The following VRK1 variants were observed in gnomAD, a reference collection of about 807,000 sequenced individuals.
The protein encoded by VRK1 is serine/threonine-protein kinase VRK1.
In VRK1, 33 loss-of-function variants were observed where a neutral mutation model predicts 57.1. The observed-to-expected ratio is 0.58, with a 90% CI of 0.44 to 0.77. VRK1 has a LOEUF of 0.77. Among genes scored for constraint, VRK1 ranks in the 30% least tolerant of loss-of-function variants. The pLI is 0.00. For synonymous variants in VRK1, 137 were observed against 147.8 expected (o/e 0.93, Z 0.53); for missense variants, 413 against 477.3 (o/e 0.87, Z 1.25).
At chr14:96,874,411 T>C (rs1393686097) in intron 11 of VRK1, among the ~76,000 whole-genome samples, 3 of 152,138 alleles carry the variant, frequency 2.0e-5, no homozygotes, top group Non-Finnish European at 2.9e-5. Context: ...ACTGCAGTTA[T>C]TGTATGTAAT....
chr14:96,853,827 A>G (rs1888045068), intron 7 of VRK1, among the ~76,000 whole-genome samples: 1 of 152,130 alleles, frequency 6.6e-6, no homozygotes, highest in African/African-American at 2.4e-5. Flanking sequence ...TGACATTCAT[A>G]CTTAATGTAT....
At chr14:96,881,059 C>G (rs1052191407) in intron 12 of VRK1, 118 bp from the exon 13 acceptor site, 3 of 897,390 alleles carry the variant, frequency 3.3e-6, no homozygotes, top group African/African-American at 3.4e-5. Flanking sequence ...TTGCAAATCA[C>G]GAGAGTCGAT....
chr14:96,853,535 C>G (rs1431922463), intron 7 of VRK1, among the ~76,000 whole-genome samples: 1 of 151,948 alleles, frequency 6.6e-6, no homozygotes, highest in Non-Finnish European at 1.5e-5. Context: ...TGTAAGTGTT[C>G]TATTACTTGG....
At chr14:96,798,575 C>T (rs964361761) in intron 1 of VRK1, among the ~76,000 whole-genome samples, 1 of 151,922 alleles carries the variant, frequency 6.6e-6, no homozygotes, top group Non-Finnish European at 1.5e-5. Flanking sequence ...TTCTTTTCTT[C>T]TTCTTTTTTT....
intron 1 of VRK1, among the ~76,000 whole-genome samples, chr14:96,798,045 A>G (rs7148950): frequency 0.023 from 3,449 of 152,172 alleles, 52 homozygotes; most frequent in South Asian, 0.063. Flanking sequence ...ACCCCTGAGG[A>G]TAGCAGCCAG....
At chr14:96,798,400 G>T (rs2139671108) in intron 1 of VRK1, among the ~76,000 whole-genome samples, 1 of 152,252 alleles carries the variant, frequency 6.6e-6, no homozygotes, top group South Asian at 2.1e-4. Flanking sequence ...TTTTTCTGAT[G>T]TCCTTTCTTT....
rs115984324 is a variant in VRK1, at chr14:96,812,330, A to T, written c.-6+14883A>T. ...TCTTTAAGTTCTTTAGGGACTACCAAACTTTCCCAAAGTGGCTGTATTGTT... is the reference window on the plus strand; with the variant it reads ...TCTTTAAGTTCTTTAGGGACTACCATACTTTCCCAAAGTGGCTGTATTGTT... On this transcript the variant is annotated intron_variant, in intron 1 of 12. Coordinates refer to ENST00000216639, the MANE Select transcript of VRK1 (RefSeq NM_003384.3). 4.0e-3 allele frequency among the ~76,000 whole-genome samples: 606 copies of T among 152,280 alleles called. 3 individuals are homozygous for T. The highest frequency in any genetic ancestry group is 0.014 in the African/African-American group (581 of 41,560).
At chr14:96,800,589 CTT>C (rs1885620093) in intron 1 of VRK1, among the ~76,000 whole-genome samples, 2 of 152,164 alleles carry the variant, frequency 1.3e-5, no homozygotes, top group South Asian at 4.1e-4. Flanking sequence ...GCCACAGTAT[CTT>C]TGTCAGCTTG....
chr14:96,843,762 C>G (rs1887562372), intron 3 of VRK1, among the ~76,000 whole-genome samples: 3 of 152,120 alleles, frequency 2.0e-5, no homozygotes, highest in Admixed American at 2.0e-4. Flanking sequence ...AAGGTATTTT[C>G]TTCAACAGGA....
chr14:96,848,296 T>C (rs935016526), intron 5 of VRK1, among the ~76,000 whole-genome samples: 7 of 152,212 alleles, frequency 4.6e-5, no homozygotes, highest in African/African-American at 1.2e-4. Context: ...AGTTTCACTT[T>C]CCTGGCAAAG....
At chr14:96,880,859 C>G (rs1889232649) in intron 12 of VRK1, among the ~76,000 whole-genome samples, 1 of 151,916 alleles carries the variant, frequency 6.6e-6, no homozygotes, top group East Asian at 1.9e-4. Flanking sequence ...AATTTTACAA[C>G]AAATTTAAAT....
At chr14:96,815,587 A>T (rs1886360870) in intron 1 of VRK1, among the ~76,000 whole-genome samples, 1 of 152,140 alleles carries the variant, frequency 6.6e-6, no homozygotes, top group Non-Finnish European at 1.5e-5. Context: ...AAGGTTTTTA[A>T]CAAATGAGAA....
At chr14:96,850,094 G>A (rs998616883) in intron 5 of VRK1, among the ~76,000 whole-genome samples, 1 of 152,140 alleles carries the variant, frequency 6.6e-6, no homozygotes, top group African/African-American at 2.4e-5. Flanking sequence ...TATAAAATGA[G>A]GTTGCTAGAA....
intron 3 of VRK1, among the ~76,000 whole-genome samples, chr14:96,841,226 G>T (rs991667593): frequency 1.3e-5 from 2 of 152,086 alleles, no homozygotes; most frequent in African/African-American, 4.8e-5. Flanking sequence ...TATTTCTGTT[G>T]TTCTTCTTTA....
At chr14:96,831,500 A>G (rs1253541495) in intron 1 of VRK1, among the ~76,000 whole-genome samples, 1 of 152,222 alleles carries the variant, frequency 6.6e-6, no homozygotes, top group Non-Finnish European at 1.5e-5. Flanking sequence ...AGCCTTAATT[A>G]ATTATTACAA....
At position 96,846,110 on chromosome 14, in the gene VRK1, G is replaced by A. The variant is rs965154017; in HGVS notation, c.232G>A (p.Gly78Arg). 6.2e-7 allele frequency: 1 copy of A among 1,613,270 alleles called. No homozygotes were observed. ...CVVKVEPSDN[G>R]PLFTELKFYQ... ...ATATTTTAAGGAACCCAGTGACAAT[G>A]GACCTCTTTTTACTGAATTAAAGTT... The change falls in exon 4 of 13, where the codon GGA becomes AGA. Residue 78 changes from glycine to arginine, a missense_variant. Physicochemically the swap from Gly to Arg is moderately radical, Grantham distance 125. Coordinates refer to ENST00000216639, the MANE Select transcript of VRK1 (RefSeq NM_003384.3).
intron 11 of VRK1, among the ~76,000 whole-genome samples, chr14:96,872,318 A>T (rs1364466477): frequency 2.6e-5 from 4 of 152,174 alleles, no homozygotes; most frequent in African/African-American, 4.8e-5. Flanking sequence ...CCTCTTTATT[A>T]CAAGAATAGT....
chr14:96,833,685 T>A, intron 2 of VRK1, 54 bp downstream of exon 2: 2 of 1,611,076 alleles, frequency 1.2e-6, no homozygotes, highest in Non-Finnish European at 1.7e-6. Context: ...TGTTTTCTTA[T>A]GAAAATGGTT....
intron 3 of VRK1, among the ~76,000 whole-genome samples, chr14:96,838,964 C>T (rs926500516): frequency 6.6e-6 from 1 of 152,012 alleles, no homozygotes; most frequent in Non-Finnish European, 1.5e-5. Flanking sequence ...GCACATATAC[C>T]TGTGTAATCC....
Sources: allele counts gnomAD v4.1 joint callset (sites outside exome capture counted in the v4.1 genomes callset), GRCh38; gene constraint gnomAD v4.1.1; transcripts MANE v1.5; gene names NCBI Gene and HGNC (gene_info 2026-07-23, HGNC 2026-07-21).